Variants in SNX31 observed in about 807,000 individuals in gnomAD.
SNX31 encodes the protein sorting nexin-31.
In SNX31, 58 loss-of-function variants were observed where a neutral mutation model predicts 65.4. That is an observed-to-expected ratio of 0.89 (90% CI 0.72 to 1.10). The LOEUF (loss-of-function observed/expected upper bound fraction) is 1.10, where lower values mean the gene tolerates loss of function less well. Ranked by LOEUF, SNX31 falls within the 50% of genes least tolerant of loss-of-function variation. SNX31 has a pLI of 0.00. For missense variants in SNX31, 523 were observed against 529.7 expected (o/e 0.99, Z 0.12); for synonymous variants, 181 against 190.1 (o/e 0.95, Z 0.39).
intron 11 of SNX31, among the ~76,000 whole-genome samples, chr8:100,587,240 C>T (rs573963163): frequency 3.3e-5 from 5 of 152,240 alleles, no homozygotes; most frequent in East Asian, 1.9e-4. Context: ...AAGTCTACTG[C>T]GGGGTTTCTG....
Position 100,630,856 on chromosome 8 carries a change from C to T in SNX31, c.257-465G>A, listed in dbSNP as rs114689712. On this transcript the variant is annotated intron_variant, in intron 3 of 13. Coordinates refer to ENST00000311812, the MANE Select transcript of SNX31 (RefSeq NM_152628.4). The surrounding 1 kb of genome is among the most constrained non-coding windows in gnomAD (Gnocchi z 5.3). ...AGGCTGGAGTGTAGTGGCGTGAGCT[C>T]GGCTCACTGCAATGTCCGTCTCCTG... Among the ~76,000 whole-genome samples the T allele has an allele frequency of 0.017, 2,644 of 152,228 alleles. 86 individuals are homozygous for T. The highest frequency in any genetic ancestry group is 0.059 in the African/African-American group (2,449 of 41,522).
At chr8:100,661,051 G>T (rs1809777627) in intron 1 of SNX31, among the ~76,000 whole-genome samples, 1 of 144,018 alleles carries the variant, frequency 6.9e-6, no homozygotes, top group Non-Finnish European at 1.5e-5. Context: ...TGTCGCCCAG[G>T]CTGGAGTGCA....
intron 12 of SNX31, among the ~76,000 whole-genome samples, chr8:100,577,800 A>T (rs1357658190): frequency 6.6e-6 from 1 of 152,164 alleles, no homozygotes; most frequent in African/African-American, 2.4e-5. Context: ...TGTATCCCTC[A>T]GTAGAGAGAC....
chr8:100,637,683 A>G (rs781177998), intron 2 of SNX31, among the ~76,000 whole-genome samples: 16 of 152,032 alleles, frequency 1.1e-4, no homozygotes, highest in Non-Finnish European at 2.2e-4. Flanking sequence ...ATCTAAAGCG[A>G]TACTTTATTT....
chr8:100,596,618 G>A (rs1229473755), intron 10 of SNX31, 21 bp downstream of exon 10: 13 of 1,608,570 alleles, frequency 8.1e-6, no homozygotes, highest in South Asian at 1.1e-5. Flanking sequence ...CATGGGCAAA[G>A]CAAGGTGCCA....
chr8:100,613,712 C>A lies in SNX31; in HGVS notation c.433-627G>T, dbSNP rs185603436. Among the ~76,000 whole-genome samples, 1 of 152,300 alleles carries A rather than the reference C, an allele frequency of 6.6e-6. No homozygotes were observed. The highest frequency in any genetic ancestry group is 1.9e-4 in the East Asian group (1 of 5,180). On this transcript the variant is annotated intron_variant, in intron 5 of 13. Transcript: ENST00000311812. This position sits in a 1 kb window ranked among gnomAD's most constrained non-coding sequence, Gnocchi z 5.2. ...TCTTTGACTTATATCAAACAGCTTT[C>A]ATTTCAACGCCAGTGGCTTCATTTT...
At position 100,639,637 on chromosome 8, in the gene SNX31, T is replaced by C. The variant is rs535340354; in HGVS notation, c.142-3626A>G. Among the ~76,000 whole-genome samples the C allele has an allele frequency of 2.6e-5, 4 of 152,236 alleles. No homozygotes were observed. In the South Asian group the frequency reaches 8.3e-4, roughly 32 times the overall value. On this transcript the variant is annotated intron_variant, in intron 2 of 13. Transcript: ENST00000311812. Reference sequence around the variant, plus strand: ...TTAGTTTAATATAGATGACTACATATAGAAATATTTATTCATGTGTCTGTA... The same window carrying C: ...TTAGTTTAATATAGATGACTACATACAGAAATATTTATTCATGTGTCTGTA...
chr8:100,662,646 A>G (rs1265066454), intron 1 of SNX31, among the ~76,000 whole-genome samples: 7 of 152,298 alleles, frequency 4.6e-5, no homozygotes, highest in African/African-American at 1.2e-4. Context: ...GCAGTGAGCC[A>G]AGATCGCGCC....
intron 11 of SNX31, among the ~76,000 whole-genome samples, chr8:100,584,423 T>C (rs906385747): frequency 6.6e-6 from 1 of 152,208 alleles, no homozygotes; most frequent in Non-Finnish European, 1.5e-5. Context: ...ATGAAAAATG[T>C]CCAGGATCTC....
chr8:100,645,759 A>G (rs575751430), intron 2 of SNX31, among the ~76,000 whole-genome samples: 109 of 152,168 alleles, frequency 7.2e-4, no homozygotes, highest in African/African-American at 2.5e-3. Context: ...TTACAGGAGC[A>G]CCACCATGCC....
In SNX31 at chr8:100,605,569, C is replaced by T. The variant is rs183062877; in HGVS notation, c.681+2925G>A. Reference sequence around the variant, plus strand: ...AAACTTAGAGATTATGTTAGTTCCACCTCATCTCAACAGGGAGATGTCGTG... The same window carrying T: ...AAACTTAGAGATTATGTTAGTTCCATCTCATCTCAACAGGGAGATGTCGTG... On this transcript the variant is annotated intron_variant, in intron 8 of 13. Transcript: ENST00000311812. Among the ~76,000 whole-genome samples the T allele has an allele frequency of 3.9e-5, 6 of 152,318 alleles. No homozygotes were observed. In the South Asian group the frequency reaches 8.3e-4, roughly 21 times the overall value.
At chr8:100,599,505 G>A (rs1420728019) in intron 9 of SNX31, among the ~76,000 whole-genome samples, 1 of 151,816 alleles carries the variant, frequency 6.6e-6, no homozygotes, top group Non-Finnish European at 1.5e-5. Context: ...AGGTGGGGGG[G>A]ATATTAAATT....
Position 100,660,880 on chromosome 8 carries a change from C to A in SNX31, c.-58+2262G>T, listed in dbSNP as rs1471390010. Among the ~76,000 whole-genome samples, 1 of 152,256 alleles carries A rather than the reference C, an allele frequency of 6.6e-6. No individual in the cohort carries two copies. The highest frequency in any genetic ancestry group is 1.5e-5 in the Non-Finnish European group (1 of 68,046). On this transcript the variant is annotated intron_variant, in intron 1 of 5. Coordinates refer to the SNX31 transcript ENST00000520352. The surrounding 1 kb of genome is among the most constrained non-coding windows in gnomAD (Gnocchi z 4.1). The stretch of plus-strand genomic sequence containing the variant: ...TGCTGGCAGACCAAGCCCTGGCAAT[C>A]ACACATTCGTGCTAATGCAGCATGG...
chr8:100,639,703 C>T (rs1819021828), intron 2 of SNX31, among the ~76,000 whole-genome samples: 1 of 152,110 alleles, frequency 6.6e-6, no homozygotes. Context: ...CTTGCTCTGT[C>T]AGCTGAGAGG....
Position 100,645,999 on chromosome 8 carries a change from G to C in SNX31, c.141+3275C>G, listed in dbSNP as rs192221828. Among the ~76,000 whole-genome samples the C allele has an allele frequency of 1.6e-3, 236 of 152,214 alleles. 4 individuals are homozygous for C. Among genetic ancestry groups the C allele is most frequent in the Admixed American group, 0.015 (233 of 15,268 alleles). ...CTTGCTGGAACAAAATCCTGTGTCT[G>C]GAACTCGCATGACAGAGAGTAGATG... On this transcript the variant is annotated intron_variant, in intron 2 of 13. Coordinates refer to ENST00000311812, the MANE Select transcript of SNX31 (RefSeq NM_152628.4).
In SNX31 at chr8:100,649,425, C is replaced by T. The variant is rs750111068; in HGVS notation, c.66+24G>A. ...TTGCCACCGGCCCCCTCCCTGCCCA[C>T]CCTGACCCCAGCCCTGGGCGCACCA... On this transcript the variant is annotated intron_variant, in intron 1 of 13. Coordinates refer to ENST00000311812, the MANE Select transcript of SNX31 (RefSeq NM_152628.4). 155 of 1,589,110 alleles carry T rather than the reference C, an allele frequency of 9.8e-5. 1 individual carries two copies. The highest frequency in any genetic ancestry group is 1.1e-4 in the East Asian group (5 of 43,974).
chr8:100,618,647 T>A (rs1817444664), intron 4 of SNX31: 1 of 477,844 alleles, frequency 2.1e-6, no homozygotes, highest in African/African-American at 2.0e-5. Context: ...CCCTCTCAGG[T>A]TTGATAGTTT....
At chr8:100,617,382 A>C (rs555081611) in intron 5 of SNX31, among the ~76,000 whole-genome samples, 1 of 152,176 alleles carries the variant, frequency 6.6e-6, no homozygotes, top group African/African-American at 2.4e-5. Flanking sequence ...CTTCCAGGAG[A>C]TCTCTGGAAA....
At chr8:100,659,660 G>C (rs1809744977) in intron 1 of SNX31, among the ~76,000 whole-genome samples, 1 of 151,932 alleles carries the variant, frequency 6.6e-6, no homozygotes, top group African/African-American at 2.4e-5. Flanking sequence ...ATAAAATTTA[G>C]AAAACACAGA....
Sources: allele counts gnomAD v4.1 joint callset (sites outside exome capture counted in the v4.1 genomes callset), GRCh38; gene constraint gnomAD v4.1.1; non-coding constraint Gnocchi (gnomAD v3.1); transcripts MANE v1.5; gene names NCBI Gene and HGNC (gene_info 2026-07-23, HGNC 2026-07-21).